Variants in TMEM132D observed in about 807,000 individuals in gnomAD.
TMEM132D encodes the protein mature OL transmembrane protein.
In TMEM132D, 21 loss-of-function variants were observed where a neutral mutation model predicts 62.3. The ratio of observed to expected loss-of-function variants is 0.34; its 90% CI spans 0.24 to 0.49. The LOEUF is 0.49. Ranked by LOEUF, TMEM132D falls within the 20% of genes least tolerant of loss-of-function variation. TMEM132D has a pLI of 0.99. For synonymous variants in TMEM132D, 621 were observed against 575.6 expected, an observed-to-expected ratio of 1.08 and a Z score of -1.13; for missense variants, 1,346 against 1,402.8, an observed-to-expected ratio of 0.96 and a Z score of 0.65.
chr12:129,358,262 C>T (rs924714201), intron 3 of TMEM132D, among the ~76,000 whole-genome samples: 1 of 152,062 alleles, frequency 6.6e-6, no homozygotes, highest in African/African-American at 2.4e-5. Context: ...TTATTTTCCT[C>T]GTTCATTCAA....
At chr12:129,232,827 TAAAG>T (rs1461286694) in intron 4 of TMEM132D, among the ~76,000 whole-genome samples, 1 of 148,786 alleles carries the variant, frequency 6.7e-6, no homozygotes, top group Admixed American at 6.7e-5. Context: ...GAGAGAGAGA[TAAAG>T]AGAGAGAGAG....
intron 4 of TMEM132D, among the ~76,000 whole-genome samples, chr12:129,320,788 G>A (rs973593062): frequency 2.0e-5 from 3 of 152,268 alleles, no homozygotes; most frequent in Non-Finnish European, 1.5e-5. Context: ...TAGGGGCAGT[G>A]GATACAGGAA....
intron 2 of TMEM132D, among the ~76,000 whole-genome samples, chr12:129,677,363 G>T (rs143147344): frequency 6.6e-6 from 1 of 152,134 alleles, no homozygotes; most frequent in African/African-American, 2.4e-5. Context: ...TGCCTTTGCC[G>T]TGATCATGAG....
intron 3 of TMEM132D, among the ~76,000 whole-genome samples, chr12:129,487,718 G>A (rs916464006): frequency 1.3e-5 from 2 of 151,726 alleles, no homozygotes; most frequent in Non-Finnish European, 2.9e-5. Flanking sequence ...GGATCATGAG[G>A]TCAGGAGATC....
intron 5 of TMEM132D, among the ~76,000 whole-genome samples, chr12:129,149,369 G>A (rs969683144): frequency 1.3e-5 from 2 of 152,108 alleles, no homozygotes; most frequent in East Asian, 1.9e-4. Flanking sequence ...CGTTCTGCAC[G>A]TGTATCCCAG....
intron 2 of TMEM132D, among the ~76,000 whole-genome samples, chr12:129,624,589 G>A (rs1041287494): frequency 3.3e-5 from 5 of 152,246 alleles, no homozygotes; most frequent in Admixed American, 6.5e-5. Context: ...GCCACTGTCA[G>A]CCCACGCCAA....
chr12:129,726,945 CAGTTATAA>C (rs1432322398), intron 1 of TMEM132D, among the ~76,000 whole-genome samples: 1 of 152,138 alleles, frequency 6.6e-6, no homozygotes, highest in Non-Finnish European at 1.5e-5. Flanking sequence ...GTGTGCTGGA[CAGTTATAA>C]AGAAATACTA....
intron 5 of TMEM132D, among the ~76,000 whole-genome samples, chr12:129,184,675 G>A (rs550515108): frequency 7.2e-4 from 109 of 152,352 alleles, no homozygotes; most frequent in African/African-American, 2.3e-3. Context: ...GCGCTCTGGC[G>A]CCTGCGGCTG....
At chr12:129,543,400 G>A (rs1876645903) in intron 2 of TMEM132D, among the ~76,000 whole-genome samples, 1 of 140,836 alleles carries the variant, frequency 7.1e-6, no homozygotes, top group Non-Finnish European at 1.5e-5. Context: ...ATGGATGGAT[G>A]GATGGATAGA....
intron 4 of TMEM132D, among the ~76,000 whole-genome samples, chr12:129,257,204 CTTTTTTTTT>C (rs10609616): frequency 8.2e-6 from 1 of 122,632 alleles, no homozygotes; most frequent in East Asian, 2.3e-4. Flanking sequence ...CTGTTTCTTT[CTTTTTTTTT>C]TTTTTTTTTT....
At chr12:129,888,389 T>A (rs1282082123) in intron 1 of TMEM132D, among the ~76,000 whole-genome samples, 1 of 152,118 alleles carries the variant, frequency 6.6e-6, no homozygotes, top group East Asian at 1.9e-4. Flanking sequence ...AATATTTGAA[T>A]CTTAGATTAA....
Position 129,636,867 on chromosome 12 carries a change from G to C in TMEM132D, c.968+62943C>G, listed in dbSNP as rs541049110. On this transcript the variant is annotated intron_variant, in intron 2 of 8. Coordinates refer to ENST00000422113, the MANE Select transcript of TMEM132D (RefSeq NM_133448.3). ...AATTTTTCTCCATATTTGACAATTG[G>C]AATTGTCAAGATTTAGGACTAATGT... is the stretch of plus-strand genomic sequence containing the variant. Among the ~76,000 whole-genome samples, 3 of 151,976 alleles carry C rather than the reference G, an allele frequency of 2.0e-5. No individual in the cohort carries two copies. The South Asian group carries it at 6.2e-4, about 32-fold the overall frequency.
At chr12:129,304,607 C>A (rs545795675) in intron 4 of TMEM132D, among the ~76,000 whole-genome samples, 1 of 148,750 alleles carries the variant, frequency 6.7e-6, no homozygotes, top group East Asian at 2.1e-4. Context: ...ATTTATACGG[C>A]GGCATCTTGC....
chr12:129,583,810 T>C lies in TMEM132D; in HGVS notation c.969-52605A>G, dbSNP rs1026794808. ...TCGGGAAAAGGATGTAGCAGCTTCA[T>C]AGGCTGTTCACCAACACACTGAGTG... On this transcript the variant is annotated intron_variant, in intron 2 of 8. Transcript: ENST00000422113. Among the ~76,000 whole-genome samples, 8 of 152,356 alleles carry C rather than the reference T, an allele frequency of 5.3e-5. 1 individual carries two copies. The highest frequency in any genetic ancestry group is 1.9e-4 in the African/African-American group (8 of 41,572).
At chr12:129,083,630 G>T (rs1874522334) in intron 6 of TMEM132D, among the ~76,000 whole-genome samples, 2 of 152,206 alleles carry the variant, frequency 1.3e-5, no homozygotes, top group African/African-American at 4.8e-5. Context: ...GAATGAGCTT[G>T]CAAGGAAGGG....
chr12:129,275,800 A>G (rs1489138279), intron 4 of TMEM132D, among the ~76,000 whole-genome samples: 1 of 152,186 alleles, frequency 6.6e-6, no homozygotes, highest in Non-Finnish European at 1.5e-5. Context: ...AAAGAACGAG[A>G]GCAGGTCCCA....
At chr12:129,496,602 T>C (rs908389568) in intron 3 of TMEM132D, among the ~76,000 whole-genome samples, 1 of 152,012 alleles carries the variant, frequency 6.6e-6, no homozygotes, top group African/African-American at 2.4e-5. Context: ...AATATTCACA[T>C]GGGAGGAAAG....
chr12:129,849,592 G>A (rs1873467945), intron 1 of TMEM132D, among the ~76,000 whole-genome samples: 1 of 152,126 alleles, frequency 6.6e-6, no homozygotes, highest in South Asian at 2.1e-4. Flanking sequence ...CCAAAGAAAA[G>A]TTTTGGCTTC....
chr12:129,893,430 C>G (rs924674004), intron 1 of TMEM132D, among the ~76,000 whole-genome samples: 3 of 122,138 alleles, frequency 2.5e-5, no homozygotes, highest in Non-Finnish European at 4.8e-5. Context: ...CAGCTTCCAT[C>G]CATTCACAGG....
Sources: allele counts gnomAD v4.1 joint callset (sites outside exome capture counted in the v4.1 genomes callset), GRCh38; gene constraint gnomAD v4.1.1; transcripts MANE v1.5; gene names NCBI Gene and HGNC (gene_info 2026-07-23, HGNC 2026-07-21).